Variants in AGBL4 observed in about 807,000 individuals in gnomAD.
AGBL4 encodes cytosolic carboxypeptidase 6.
AGBL4 carries 58 observed loss-of-function variants against 66.4 expected under a neutral mutation model. The observed-to-expected ratio is 0.87, with a 90% CI of 0.71 to 1.09. The LOEUF (loss-of-function observed/expected upper bound fraction) is 1.09. Among genes scored for constraint, AGBL4 ranks in the 50% least tolerant of loss-of-function variants. The pLI is 0.00. For missense variants in AGBL4, 579 were observed against 631.0 expected (o/e 0.92, Z 0.88); for synonymous variants, 234 against 222.9 (o/e 1.05, Z -0.44).
At chr1:49,433,916 T>C (rs1322093256) in intron 3 of AGBL4, among the ~76,000 whole-genome samples, 2 of 152,168 alleles carry the variant, frequency 1.3e-5, no homozygotes, top group Non-Finnish European at 2.9e-5. Flanking sequence ...TTACAAGAAA[T>C]TGCCACTGTC....
chr1:48,590,455 C>CT (rs1374700343), intron 10 of AGBL4, among the ~76,000 whole-genome samples: 1 of 151,214 alleles, frequency 6.6e-6, no homozygotes, highest in Admixed American at 6.6e-5. Context: ...ACTCAGGAGG[C>CT]TGAGGTGGGA....
At chr1:49,019,316 C>G (rs1327169213) in intron 5 of AGBL4, among the ~76,000 whole-genome samples, 1 of 152,150 alleles carries the variant, frequency 6.6e-6, no homozygotes, top group Non-Finnish European at 1.5e-5. Context: ...CCCTGCTCCT[C>G]TCATCCTCCC....
chr1:49,824,689 G>C (rs898543495), intron 2 of AGBL4, among the ~76,000 whole-genome samples: 1 of 152,156 alleles, frequency 6.6e-6, no homozygotes, highest in African/African-American at 2.4e-5. Context: ...TTAAGACAAA[G>C]ATAATCATAT....
chr1:49,549,748 G>A (rs998820996), intron 3 of AGBL4, among the ~76,000 whole-genome samples: 5 of 152,112 alleles, frequency 3.3e-5, no homozygotes, highest in African/African-American at 1.2e-4. Context: ...AATAGAATGT[G>A]TATTCTGTGG....
At chr1:49,568,524 A>ACACACACACAC (rs750607745) in intron 3 of AGBL4, among the ~76,000 whole-genome samples, 35 of 49,896 alleles carry the variant, frequency 7.0e-4, no homozygotes, top group South Asian at 2.5e-3. Flanking sequence ...CACACACACA[A>ACACACACACAC]ATGCCATGCT....
At chr1:48,875,374 A>G (rs1318674823) in intron 5 of AGBL4, among the ~76,000 whole-genome samples, 2 of 152,132 alleles carry the variant, frequency 1.3e-5, no homozygotes, top group Admixed American at 1.3e-4. Context: ...TACCCTCATC[A>G]GAATAATAAA....
At chr1:49,966,743 G>C (rs1224793601) in intron 1 of AGBL4, among the ~76,000 whole-genome samples, 2 of 152,070 alleles carry the variant, frequency 1.3e-5, no homozygotes, top group African/African-American at 4.8e-5. Flanking sequence ...CTAGCACAAA[G>C]TAACCACTCA....
intron 4 of AGBL4, among the ~76,000 whole-genome samples, chr1:49,133,498 A>T (rs113499712): frequency 1.3e-5 from 2 of 152,232 alleles, no homozygotes. Flanking sequence ...AAAGTTGTTC[A>T]ATCTCATTAG....
chr1:49,820,829 T>C (rs941812802), intron 2 of AGBL4, among the ~76,000 whole-genome samples: 7 of 152,190 alleles, frequency 4.6e-5, no homozygotes, highest in Admixed American at 1.3e-4. Context: ...AGGCCTGGGC[T>C]GAACTCCAGA....
intron 4 of AGBL4, among the ~76,000 whole-genome samples, chr1:49,164,385 C>T (rs563203243): frequency 2.0e-5 from 3 of 152,196 alleles, no homozygotes; most frequent in African/African-American, 7.2e-5. Context: ...CCCAGTAACT[C>T]GAGAGCAAGA....
rs534561088 is a variant in AGBL4, at chr1:48,690,308, A to T, written c.635-27067T>A. On this transcript the variant is annotated intron_variant, in intron 6 of 13. Transcript: ENST00000371839. Reference sequence around the variant, plus strand: ...GTCATCAGTTCCTTTGATTCCCAGAACACCCTTTGATTTGGAGGATGGGGT... The same window carrying T: ...GTCATCAGTTCCTTTGATTCCCAGATCACCCTTTGATTTGGAGGATGGGGT... 4.6e-5 allele frequency among the ~76,000 whole-genome samples: 7 copies of T among 152,220 alleles called. No individual in the cohort carries two copies. In the South Asian group the frequency reaches 8.3e-4, roughly 18 times the overall value.
At chr1:48,540,015 G>A (rs977862532) in intron 11 of AGBL4, among the ~76,000 whole-genome samples, 1 of 152,130 alleles carries the variant, frequency 6.6e-6, no homozygotes, top group Non-Finnish European at 1.5e-5. Context: ...TATGAGTCTA[G>A]GGAGTCATAA....
chr1:49,035,027 T>G (rs1022226666), intron 5 of AGBL4, among the ~76,000 whole-genome samples: 1 of 152,110 alleles, frequency 6.6e-6, no homozygotes, highest in Non-Finnish European at 1.5e-5. Context: ...AGGGTAAGTG[T>G]AGAGGCTTTA....
At chr1:49,280,435 C>T (rs1273191407) in intron 3 of AGBL4, among the ~76,000 whole-genome samples, 1 of 152,130 alleles carries the variant, frequency 6.6e-6, no homozygotes, top group East Asian at 1.9e-4. Flanking sequence ...CTAAGGAGGG[C>T]AGTGAGTGAA....
chr1:49,906,116 CTGTGTGTGTG>C (rs59711282), intron 1 of AGBL4, among the ~76,000 whole-genome samples: 10 of 147,396 alleles, frequency 6.8e-5, no homozygotes, highest in East Asian at 2.0e-4. Context: ...AAACAGGACT[CTGTGTGTGTG>C]TGTGTGTGTG....
chr1:49,845,135 GTA>G (rs1557505760), intron 2 of AGBL4: 1 of 1,400,342 alleles, frequency 7.1e-7, no homozygotes, highest in African/African-American at 1.4e-5. Flanking sequence ...CAACACCACC[GTA>G]CGCATACAGG....
chr1:49,908,024 T>C lies in AGBL4; in HGVS notation c.35-56506A>G, dbSNP rs34468954. Among the ~76,000 whole-genome samples, 653 of 152,280 alleles carry C rather than the reference T, an allele frequency of 4.3e-3. No individual in the cohort carries two copies. In the Middle Eastern group the frequency reaches 0.044, roughly 10 times the overall value. On this transcript the variant is annotated intron_variant, in intron 1 of 13. Coordinates refer to ENST00000371839, the MANE Select transcript of AGBL4 (RefSeq NM_032785.4). The stretch of plus-strand genomic sequence containing the variant: ...AGAATTAGAAAAATTAAGTAACTTG[T>C]CATACGTCATTTAACTAGTTAGTAG...
At chr1:48,927,969 G>T (rs1219322551) in intron 5 of AGBL4, among the ~76,000 whole-genome samples, 1 of 152,118 alleles carries the variant, frequency 6.6e-6, no homozygotes, top group Non-Finnish European at 1.5e-5. Flanking sequence ...TACCCCAGTT[G>T]GTCAGCCATC....
chr1:49,429,960 T>A (rs1357290936), intron 3 of AGBL4, among the ~76,000 whole-genome samples: 1 of 151,622 alleles, frequency 6.6e-6, no homozygotes, highest in East Asian at 1.9e-4. Flanking sequence ...TCCTCCTACC[T>A]CAGTCCCCAA....
Sources: allele counts gnomAD v4.1 joint callset (sites outside exome capture counted in the v4.1 genomes callset), GRCh38; gene constraint gnomAD v4.1.1; transcripts MANE v1.5; gene names NCBI Gene and HGNC (gene_info 2026-07-23, HGNC 2026-07-21).